The following STXBP4 variants were observed in gnomAD, a reference collection of about 807,000 sequenced individuals.
STXBP4 encodes the protein syntaxin binding protein 4, also known as syntaxin-binding protein 4.
Under a neutral mutation model 76.1 loss-of-function variants are expected in STXBP4, and 55 were observed. That is an observed-to-expected ratio of 0.72 (90% confidence interval 0.58 to 0.91). STXBP4 has a LOEUF of 0.91. STXBP4 is among the 40% of genes least tolerant of loss of function. The probability of loss-of-function intolerance (pLI) is 0.00; values close to 1 mark genes in which losing one functional copy is unlikely to be tolerated. For missense variants in STXBP4, 618 were observed against 636.9 expected, an observed-to-expected ratio of 0.97 and a Z score of 0.32; for synonymous variants, 201 against 220.2, an observed-to-expected ratio of 0.91 and a Z score of 0.77.
downstream of STXBP4, among the ~76,000 whole-genome samples, chr17:55,174,053 A>G (rs2080419727): frequency 6.6e-6 from 1 of 152,210 alleles, no homozygotes; most frequent in Admixed American, 6.5e-5. Flanking sequence ...CAACCATGAA[A>G]GGTTATCTGC....
At chr17:55,183,826 C>G in the STXBP4 span, among the ~76,000 whole-genome samples, 40 of 152,196 alleles carry the variant, frequency 2.6e-4, no homozygotes, top group African/African-American at 9.4e-4. Context: ...TTTAATTTGC[C>G]AGGTAGCTGT....
At position 55,162,218 on chromosome 17, in the gene STXBP4, T is replaced by C. The variant is rs770700370; in HGVS notation, c.*2307T>C. 7.2e-5 allele frequency: 11 copies of C among 152,206 alleles called. No homozygotes were observed. The highest frequency in any genetic ancestry group is 8.8e-5 in the Non-Finnish European group (6 of 68,040). 9.4% of individuals were successfully genotyped at this position (152,206 alleles called of 1,614,324 possible). On this transcript the variant is annotated 3_prime_UTR_variant, in exon 18 of 18. Coordinates refer to ENST00000376352, the MANE Select transcript of STXBP4 (RefSeq NM_178509.6). ...ACCATCAGGTCGGTGCCATAAGAGA[T>C]GCTCAAAAAAGCATGGTCAGGGCTT...
At chr17:55,047,702 T>C in intron 12 of STXBP4, among the ~76,000 whole-genome samples, 1 of 151,680 alleles carries the variant, frequency 6.6e-6, no homozygotes, top group Admixed American at 6.6e-5. Flanking sequence ...TAAGAGAACA[T>C]TGTTAGAGAT....
the STXBP4 span, among the ~76,000 whole-genome samples, chr17:55,185,952 A>G: frequency 6.6e-6 from 1 of 152,360 alleles, no homozygotes; most frequent in African/African-American, 2.4e-5. Flanking sequence ...GCTGGGACCC[A>G]GGATCCATGT....
At chr17:55,009,207 C>T (rs556498573) in intron 8 of STXBP4, among the ~76,000 whole-genome samples, 3 of 152,212 alleles carry the variant, frequency 2.0e-5, no homozygotes, top group South Asian at 2.1e-4. Flanking sequence ...TCTTTTGTAA[C>T]GTGTGTTTAT....
chr17:55,212,021 T>C, the STXBP4 span, among the ~76,000 whole-genome samples: 1 of 151,502 alleles, frequency 6.6e-6, no homozygotes, highest in Non-Finnish European at 1.5e-5. Flanking sequence ...GGATTCATCA[T>C]GTCTGTCAGG....
At chr17:55,185,250 TCCTTC>T in the STXBP4 span, among the ~76,000 whole-genome samples, 1 of 39,026 alleles carries the variant, frequency 2.6e-5, no homozygotes, top group African/African-American at 1.3e-4. Flanking sequence ...CTTCTTCTTC[TCCTTC>T]TCCTTCTCCT....
At chr17:55,082,723 G>T (rs915066081) in intron 16 of STXBP4, among the ~76,000 whole-genome samples, 4 of 151,934 alleles carry the variant, frequency 2.6e-5, no homozygotes, top group African/African-American at 9.7e-5. Context: ...AACCTCTATT[G>T]TTGATCCTTA....
intron 17 of STXBP4, among the ~76,000 whole-genome samples, chr17:55,149,194 C>A (rs1053872568): frequency 1.3e-5 from 2 of 152,152 alleles, no homozygotes; most frequent in African/African-American, 4.8e-5. Context: ...TACTAGATTG[C>A]ACTTTAAAGC....
intron 16 of STXBP4, among the ~76,000 whole-genome samples, chr17:55,086,353 T>C (rs2079328937): frequency 6.6e-6 from 1 of 152,164 alleles, no homozygotes; most frequent in Non-Finnish European, 1.5e-5. Context: ...TAAGAGTAAC[T>C]AGCATATCTA....
intron 13 of STXBP4, among the ~76,000 whole-genome samples, chr17:55,077,686 CGTGTGTGT>C (rs10690646): frequency 5.4e-4 from 72 of 134,084 alleles, no homozygotes; most frequent in Admixed American, 7.7e-4. Context: ...TGTCTTACAT[CGTGTGTGT>C]GTGTGTGTGT....
chr17:55,035,680 T>C (rs1257552331), intron 10 of STXBP4, among the ~76,000 whole-genome samples: 2 of 151,892 alleles, frequency 1.3e-5, no homozygotes, highest in African/African-American at 2.4e-5. Flanking sequence ...TTTTGATCAA[T>C]CATTTTTATG....
chr17:55,004,870 C>T (rs1242126260), intron 7 of STXBP4, among the ~76,000 whole-genome samples: 1 of 151,986 alleles, frequency 6.6e-6, no homozygotes, highest in East Asian at 1.9e-4. Flanking sequence ...CTCACTCCCC[C>T]AGAAAGGAGC....
chr17:55,052,907 C>T (rs1419184773), intron 12 of STXBP4, among the ~76,000 whole-genome samples: 5 of 72,836 alleles, frequency 6.9e-5, no homozygotes, highest in East Asian at 8.3e-4. Flanking sequence ...AAAAAAAAGA[C>T]GTGTATGACG....
chr17:55,066,067 C>G (rs1312536876), intron 12 of STXBP4, among the ~76,000 whole-genome samples: 1 of 152,132 alleles, frequency 6.6e-6, no homozygotes, highest in Admixed American at 6.5e-5. Flanking sequence ...TTATTACACA[C>G]TTTATAAATG....
At chr17:55,068,255 T>C (rs2079076966) in intron 12 of STXBP4, among the ~76,000 whole-genome samples, 1 of 152,130 alleles carries the variant, frequency 6.6e-6, no homozygotes, top group South Asian at 2.1e-4. Context: ...GAAGTATTCT[T>C]TAGGGCTTGG....
chr17:55,056,240 A>T (rs966396403), intron 12 of STXBP4, among the ~76,000 whole-genome samples: 1 of 152,180 alleles, frequency 6.6e-6, no homozygotes, highest in Non-Finnish European at 1.5e-5. Flanking sequence ...TTTAGCATGC[A>T]GTAATATTTT....
At chr17:55,154,185 C>T (rs765722355) in intron 17 of STXBP4, among the ~76,000 whole-genome samples, 13 of 152,078 alleles carry the variant, frequency 8.5e-5, no homozygotes, top group Non-Finnish European at 1.3e-4. Context: ...CCTCTACATT[C>T]GGTTGGCGGA....
At chr17:55,211,770 T>C in the STXBP4 span, among the ~76,000 whole-genome samples, 1 of 151,022 alleles carries the variant, frequency 6.6e-6, no homozygotes, top group South Asian at 2.1e-4. Flanking sequence ...ACAAATTAGT[T>C]TGGGGAATGC....
Sources: gnomAD v4.1 joint callset for allele counts (sites outside exome capture counted in the v4.1 genomes callset) on GRCh38, gnomAD v4.1.1 for gene constraint, MANE v1.5 for transcripts, NCBI Gene and HGNC (gene_info 2026-07-23, HGNC 2026-07-21) for gene names.